MARCHF1: variants seen among roughly 807,000 people sequenced by gnomAD.
The protein encoded by MARCHF1 is E3 ubiquitin-protein ligase MARCHF1.
MARCHF1 carries 40 observed loss-of-function variants against 54.2 expected under a neutral mutation model. The ratio of observed to expected loss-of-function variants is 0.74; its 90% CI spans 0.57 to 0.96. The LOEUF is 0.96. Ranked by LOEUF, MARCHF1 falls within the 40% of genes least tolerant of loss-of-function variation. MARCHF1 has a pLI of 0.00. For synonymous variants in MARCHF1, 236 were observed against 236.3 expected, an observed-to-expected ratio of 1.00 and a Z score of 0.01; for missense variants, 586 against 656.5, an observed-to-expected ratio of 0.89 and a Z score of 1.17.
At chr4:163,805,247 T>C (rs1018631183) in intron 4 of MARCHF1, among the ~76,000 whole-genome samples, 1 of 152,188 alleles carries the variant, frequency 6.6e-6, no homozygotes, top group African/African-American at 2.4e-5. Flanking sequence ...ATTATTATTG[T>C]TAATTTACAG....
intron 4 of MARCHF1, among the ~76,000 whole-genome samples, chr4:163,719,146 C>T (rs1745358323): frequency 6.6e-6 from 1 of 152,040 alleles, no homozygotes; most frequent in Non-Finnish European, 1.5e-5. Context: ...TCGTCATGTA[C>T]ATTAGGTATA....
chr4:163,827,360 A>G (rs534163698), intron 4 of MARCHF1, among the ~76,000 whole-genome samples: 21 of 152,260 alleles, frequency 1.4e-4, no homozygotes, highest in East Asian at 1.9e-4. Context: ...ACTACAGCAC[A>G]TGACACTTCC....
intron 2 of MARCHF1, among the ~76,000 whole-genome samples, chr4:164,076,442 T>C (rs1455315318): frequency 6.6e-6 from 1 of 152,184 alleles, no homozygotes; most frequent in Non-Finnish European, 1.5e-5. Flanking sequence ...TCATATTTAA[T>C]GGGCAAATTT....
intron 2 of MARCHF1, among the ~76,000 whole-genome samples, chr4:164,043,333 G>C (rs889317208): frequency 3.9e-5 from 6 of 152,112 alleles, no homozygotes; most frequent in African/African-American, 1.4e-4. Context: ...CTAAACTTTT[G>C]CCTTATATGC....
intron 4 of MARCHF1, among the ~76,000 whole-genome samples, chr4:163,771,668 A>T (rs1176820427): frequency 6.6e-6 from 1 of 152,198 alleles, no homozygotes; most frequent in Non-Finnish European, 1.5e-5. Context: ...GGATTTCAGC[A>T]CATGAATTTT....
intron 2 of MARCHF1, among the ~76,000 whole-genome samples, chr4:164,101,179 C>CTT (rs1755547306): frequency 6.6e-6 from 1 of 152,192 alleles, no homozygotes; most frequent in Non-Finnish European, 1.5e-5. Context: ...AGCAGCGAGG[C>CTT]CGGGGGAGGG....
intron 4 of MARCHF1, among the ~76,000 whole-genome samples, chr4:163,789,580 A>G (rs1484837719): frequency 6.9e-6 from 1 of 145,688 alleles, no homozygotes; most frequent in Non-Finnish European, 1.6e-5. Context: ...GAGGAGCTAG[A>G]AAAAGGAGCT....
In MARCHF1 at chr4:163,528,722, G is replaced by C; in HGVS notation, c.*26C>G. 4 of 1,576,354 alleles carry C rather than the reference G, an allele frequency of 2.5e-6. No individual in the cohort carries two copies. Among genetic ancestry groups the C allele is most frequent in the Non-Finnish European group, 3.5e-6 (4 of 1,158,878 alleles). On this transcript the variant is annotated 3_prime_UTR_variant, in exon 10 of 10. Transcript: ENST00000514618. ...GCTGAGGGCTAGAAAGATATTCTTCGGTGAAGAAACTCCCAACAGGTTCCA... is the reference window on the plus strand; with the variant it reads ...GCTGAGGGCTAGAAAGATATTCTTCCGTGAAGAAACTCCCAACAGGTTCCA...
chr4:163,872,859 A>C (rs984222367), intron 3 of MARCHF1, among the ~76,000 whole-genome samples: 2 of 151,772 alleles, frequency 1.3e-5, no homozygotes, highest in African/African-American at 4.8e-5. Context: ...CCTGGCTAAC[A>C]CAGTGAAACC....
chr4:164,248,880 T>C (rs974573940), intron 1 of MARCHF1, among the ~76,000 whole-genome samples: 1 of 151,828 alleles, frequency 6.6e-6, no homozygotes, highest in Non-Finnish European at 1.5e-5. Context: ...GGCTAGGAAA[T>C]TTTAAATTTC....
chr4:164,252,964 C>T (rs913274172), intron 1 of MARCHF1, among the ~76,000 whole-genome samples: 5 of 151,834 alleles, frequency 3.3e-5, no homozygotes, highest in East Asian at 3.9e-4. Context: ...GAGAATTTTC[C>T]GAAGCCAGGA....
intron 7 of MARCHF1, among the ~76,000 whole-genome samples, chr4:163,611,694 A>C (rs935982342): frequency 1.3e-5 from 2 of 152,056 alleles, no homozygotes; most frequent in Non-Finnish European, 2.9e-5. Flanking sequence ...CTTTCGGTAT[A>C]TGTTTATCAG....
intron 2 of MARCHF1, among the ~76,000 whole-genome samples, chr4:164,065,543 A>C (rs1043895725): frequency 2.0e-5 from 3 of 152,202 alleles, no homozygotes. Context: ...AATGTGTATC[A>C]GTCAGGGTTC....
At chr4:163,907,743 T>TCC (rs1424984428) in intron 3 of MARCHF1, among the ~76,000 whole-genome samples, 2 of 152,108 alleles carry the variant, frequency 1.3e-5, no homozygotes, top group Non-Finnish European at 2.9e-5. Flanking sequence ...ATTTCTCCTA[T>TCC]CTAGACACTA....
At chr4:163,559,394 C>T (rs1212326462) in intron 8 of MARCHF1, among the ~76,000 whole-genome samples, 2 of 151,882 alleles carry the variant, frequency 1.3e-5, no homozygotes, top group Non-Finnish European at 2.9e-5. Flanking sequence ...GAGTGGTTGG[C>T]GATTTGGAAA....
rs35573046 is a variant in MARCHF1, at chr4:163,599,419, TACACAC to T, written c.1010+12846_1010+12851del. ...AGTCTGTCCTTGATCAAAACACACA[TACACAC>T]ACACACACACAATATACACACAAGC... On this transcript the variant is annotated intron_variant, in intron 7 of 9. Coordinates refer to ENST00000514618, the MANE Select transcript of MARCHF1 (RefSeq NM_001394959.1). Among the ~76,000 whole-genome samples the T allele has an allele frequency of 1.4e-4, 21 of 151,494 alleles. 1 individual carries two copies. Among genetic ancestry groups the T allele is most frequent in the African/African-American group, 3.6e-4 (15 of 41,266 alleles).
intron 5 of MARCHF1, among the ~76,000 whole-genome samples, chr4:163,670,233 G>C (rs1003364837): frequency 1.3e-5 from 2 of 151,918 alleles, no homozygotes; most frequent in African/African-American, 4.8e-5. Context: ...TTCTAAGTCA[G>C]ACATAAAAAC....
chr4:163,745,840 A>T (rs1389741577), intron 4 of MARCHF1, among the ~76,000 whole-genome samples: 7 of 58,242 alleles, frequency 1.2e-4, no homozygotes, highest in Admixed American at 3.0e-4. Context: ...CTTATAGTTT[A>T]AAAAAAAAAA....
chr4:163,976,502 C>T (rs1043539909), intron 3 of MARCHF1, among the ~76,000 whole-genome samples: 1 of 152,266 alleles, frequency 6.6e-6, no homozygotes, highest in East Asian at 1.9e-4. Context: ...AATTATTTGA[C>T]CCAACTTCCA....
Sources: allele counts gnomAD v4.1 joint callset (sites outside exome capture counted in the v4.1 genomes callset), GRCh38; gene constraint gnomAD v4.1.1; transcripts MANE v1.5; gene names NCBI Gene and HGNC (gene_info 2026-07-23, HGNC 2026-07-21).